Variants in IFIT5 observed in about 807,000 individuals in gnomAD.
The protein encoded by IFIT5 is interferon induced protein with tetratricopeptide repeats 5, also known as interferon-induced protein with tetratricopeptide repeats 5.
A neutral mutation model predicts 5.0 loss-of-function variants in IFIT5; 2 were observed. The observed-to-expected ratio is 0.40, with a 90% CI of 0.16 to 1.26. The LOEUF (loss-of-function observed/expected upper bound fraction) is 1.26, where lower values mean the gene tolerates loss of function less well. IFIT5 is among the 50% of genes most tolerant of loss of function. The pLI, the probability that IFIT5 is intolerant of heterozygous loss-of-function variation, is 0.33. For missense variants in IFIT5, 524 were observed against 563.2 expected (o/e 0.93, Z 0.70); for synonymous variants, 206 against 204.6 (o/e 1.01, Z -0.06).
rs1048204847 is a variant in IFIT5 at position 89,420,061 on chromosome 10, G to A, written c.*1413G>A. On this transcript the variant is annotated 3_prime_UTR_variant, in exon 2 of 2. Transcript: ENST00000371795. ...TACAAAAGTATGTGAATTTAAAAAT[G>A]AGAGCAGTCCTCTCACCCTACCACA... is the stretch of plus-strand genomic sequence containing the variant. 53 of 151,978 alleles carry A rather than the reference G, an allele frequency of 3.5e-4. No individual in the cohort carries two copies. Among genetic ancestry groups the A allele is most frequent in the African/African-American group, 1.3e-3 (53 of 41,480 alleles). The allele number at this position is 151,978 out of a possible 1,614,324, so 9.4% of individuals were successfully genotyped here.
chr10:89,417,189 A>G lies in IFIT5; in HGVS notation c.6-16A>G. ...TGTATTTCTTCAAAAATTAAAAAGT[A>G]TTTTATCTTTGACAGTGAAATTCGT... On this transcript the variant is annotated splice_polypyrimidine_tract_variant and intron_variant, in intron 1 of 1. Coordinates refer to ENST00000371795, the MANE Select transcript of IFIT5 (RefSeq NM_012420.3). 2 of 1,542,934 alleles carry G rather than the reference A, an allele frequency of 1.3e-6. No individual in the cohort carries two copies. Among genetic ancestry groups the G allele is most frequent in the Non-Finnish European group, 1.7e-6 (2 of 1,144,384 alleles).
At chr10:89,417,108 G>C (rs1433713996) in intron 1 of IFIT5, 97 bp from the exon 2 acceptor site, 3 of 1,005,030 alleles carry the variant, frequency 3.0e-6, no homozygotes, top group East Asian at 2.6e-5. Context: ...GATCAAATAG[G>C]GATAAAATTA....
intron 1 of IFIT5, among the ~76,000 whole-genome samples, chr10:89,415,306 G>A (rs1841523997): frequency 1.3e-5 from 2 of 152,234 alleles, no homozygotes; most frequent in South Asian, 2.1e-4. Context: ...CAGCTGCTAC[G>A]TGCCACGGGT....
Position 89,417,426 on chromosome 10 carries a change from A to G in IFIT5, c.227A>G (p.Gln76Arg), listed in dbSNP as rs754382258. The change falls in exon 2 of 2, where the codon CAA (glutamine) becomes CGA (arginine). Residue 76 changes from glutamine (Q) to arginine (R), a missense_variant. Coordinates refer to ENST00000371795, the MANE Select transcript of IFIT5 (RefSeq NM_012420.3). Reference sequence around the variant, plus strand: ...AAAGACGCCCTTGAGTGCTTGGAACAAGCAGAAGAAATAATCCAGCAAGAA... The same window carrying G: ...AAAGACGCCCTTGAGTGCTTGGAACGAGCAGAAGAAATAATCCAGCAAGAA... ...QNKDALECLE[Q>R]AEEIIQQEHS... 6.2e-7 allele frequency: 1 copy of G among 1,614,214 alleles called. No homozygotes were observed. The highest frequency in any genetic ancestry group is 1.1e-5 in the South Asian group (1 of 91,080).
intron 1 of IFIT5, among the ~76,000 whole-genome samples, chr10:89,416,100 C>G (rs184626447): frequency 6.6e-6 from 1 of 151,844 alleles, no homozygotes. Flanking sequence ...TTTTTTGTAT[C>G]TTTAGTAGAG....
At chr10:89,414,897 C>T in intron 1 of IFIT5, 94 bp downstream of exon 1, 2 of 1,488,724 alleles carry the variant, frequency 1.3e-6, no homozygotes, top group Non-Finnish European at 1.8e-6. Context: ...AGTTCTGCGG[C>T]CTTTTCAGGG....
In IFIT5 at chr10:89,418,683, C is replaced by A; in HGVS notation, c.*35C>A. The stretch of plus-strand genomic sequence containing the variant: ...CTAGGAAATTAGCTCTAAGTTTTTC[C>A]CTTCATTTTGGGTTCTCCTGTTTGT... On this transcript the variant is annotated 3_prime_UTR_variant, in exon 2 of 2. Transcript: ENST00000371795. 6.5e-7 allele frequency: 1 copy of A among 1,544,948 alleles called. No individual in the cohort carries two copies. Among genetic ancestry groups the A allele is most frequent in the South Asian group, 1.3e-5 (1 of 78,170 alleles).
chr10:89,415,859 C>G (rs1182003070), intron 1 of IFIT5, among the ~76,000 whole-genome samples: 1 of 152,190 alleles, frequency 6.6e-6, no homozygotes, highest in African/African-American at 2.4e-5. Context: ...GCACATAATA[C>G]TTGCACAATA....
rs763944104 is a variant in IFIT5 at position 89,417,230 on chromosome 10, G to A, written c.31G>A (p.Ala11Thr). 7.5e-6 allele frequency: 12 copies of A among 1,603,364 alleles called. No individual in the cohort carries two copies. The South Asian group carries it at 8.9e-5, about 12-fold the overall frequency. Reference protein sequence around the residue: MSEIRKDTLKAILLELECHFT... With the variant: MSEIRKDTLKTILLELECHFT... The stretch of plus-strand genomic sequence containing the variant: ...TGAAATTCGTAAGGACACCTTGAAG[G>A]CCATTCTGTTGGAGTTAGAATGTCA... The change falls in exon 2 of 2, where the codon GCC becomes ACC. Residue 11 changes from alanine to threonine, a missense_variant. Transcript: ENST00000371795.
rs200370418 is a variant in IFIT5, at chr10:89,414,774, G to A, written c.-25G>A. 3 of 1,606,914 alleles carry A rather than the reference G, an allele frequency of 1.9e-6. No homozygotes were observed. The highest frequency in any genetic ancestry group is 1.7e-5 in the Admixed American group (1 of 59,536). On this transcript the variant is annotated 5_prime_UTR_variant, in exon 1 of 2. Coordinates refer to ENST00000371795, the MANE Select transcript of IFIT5 (RefSeq NM_012420.3). ...AGCGATCCGAGGGACTGCGCCGCCC[G>A]GACGGCCTGCAGAGCGCTGCCATCA...
chr10:89,415,716 A>G (rs1259122035), intron 1 of IFIT5, among the ~76,000 whole-genome samples: 1 of 152,148 alleles, frequency 6.6e-6, no homozygotes, highest in African/African-American at 2.4e-5. Context: ...ATCCGGACTG[A>G]ACTCCTACTA....
intron 1 of IFIT5, 151 bp downstream of exon 1, chr10:89,414,954 TC>T: frequency 9.6e-7 from 1 of 1,041,826 alleles, no homozygotes. Flanking sequence ...TTGGGGACCC[TC>T]CCCGGGCGCT....
rs1841572062 is a variant in IFIT5, at chr10:89,418,903, A to G, written c.*255A>G. 3.2e-6 allele frequency: 1 copy of G among 308,692 alleles called. No individual in the cohort carries two copies. Among genetic ancestry groups the G allele is most frequent in the East Asian group, 5.5e-5 (1 of 18,074 alleles). The allele number at this position is 308,692 out of a possible 1,614,324, so 19.1% of individuals were successfully genotyped here. A position where few individuals can be genotyped will look rare whatever the true frequency, so the allele number is the denominator to read the frequency against. On this transcript the variant is annotated 3_prime_UTR_variant, in exon 2 of 2. Coordinates refer to ENST00000371795, the MANE Select transcript of IFIT5 (RefSeq NM_012420.3). ...CAATATTCTAGCTATTGTAACTTCT[A>G]AAAATGGTATGGCCATTAGATCTGT...
chr10:89,417,206 G>A lies in IFIT5; in HGVS notation c.7G>A (p.Glu3Lys), dbSNP rs1486517485. 2 of 1,563,418 alleles carry A rather than the reference G, an allele frequency of 1.3e-6. No individual in the cohort carries two copies. Among genetic ancestry groups the A allele is most frequent in the Admixed American group, 4.0e-5 (2 of 50,366 alleles). The change falls in exon 2 of 2, where the codon GAA becomes AAA. Residue 3 changes from glutamate (E) to lysine (K), a missense_variant and splice_region_variant. By Grantham distance (56) the Glu-to-Lys change is moderately conservative. Transcript: ENST00000371795. Reference sequence around the variant, plus strand: ...TAAAAAGTATTTTATCTTTGACAGTGAAATTCGTAAGGACACCTTGAAGGC... The same window carrying A: ...TAAAAAGTATTTTATCTTTGACAGTAAAATTCGTAAGGACACCTTGAAGGC... MS[E>K]IRKDTLKAIL... is the part of the protein sequence containing the mutation.
chr10:89,418,011 T>G lies in IFIT5; in HGVS notation c.812T>G (p.Leu271Arg). The G allele has an allele frequency of 6.2e-7, 1 of 1,614,196 alleles. No individual in the cohort carries two copies. The highest frequency in any genetic ancestry group is 8.5e-7 in the Non-Finnish European group (1 of 1,180,038). ...AATTCCTGGAACAAAGCTCTCGAAC[T>G]TTTAAAAAAGGCCTTGGAGGTGACA... ...RKNSWNKALELLKKALEVTPT... is the reference protein window; with the variant it reads ...RKNSWNKALERLKKALEVTPT... Residue 271 changes from leucine to arginine, a missense_variant, in exon 2 of 2, where the codon CTT (leucine) becomes CGT (arginine). Physicochemically the swap from Leu to Arg is moderately radical, Grantham distance 102. Transcript: ENST00000371795.
intron 1 of IFIT5, among the ~76,000 whole-genome samples, chr10:89,415,335 TG>T (rs957932985): frequency 3.3e-5 from 5 of 152,200 alleles, no homozygotes; most frequent in Non-Finnish European, 5.9e-5. Flanking sequence ...GCCTGTCGCG[TG>T]CCTCTCTTTC....
intron 1 of IFIT5, among the ~76,000 whole-genome samples, chr10:89,416,288 AAAC>A (rs150927900): frequency 0.51 from 77,261 of 151,618 alleles, 20,328 homozygotes; most frequent in East Asian, 0.77. Context: ...AACAACAACA[AAAC>A]AACAACAACA....
rs1452786581 is a variant in IFIT5 at position 89,418,441 on chromosome 10, C to T, written c.1242C>T (p.Thr414=). 2 of 1,614,042 alleles carry T rather than the reference C, an allele frequency of 1.2e-6. No individual in the cohort carries two copies. Among genetic ancestry groups the T allele is most frequent in the Non-Finnish European group, 8.5e-7 (1 of 1,180,024 alleles). Residue 414 remains threonine, a synonymous_variant, in exon 2 of 2, where the codon ACC becomes ACT. Coordinates refer to ENST00000371795, the MANE Select transcript of IFIT5 (RefSeq NM_012420.3). The part of the protein sequence containing the change: ...LKVKDRSPLR[T]KLTSALKKLS... ...TCAAAGACAGATCACCCCTTCGCAC[C>T]AAACTGACAAGTGCTCTGAAGAAAT...
chr10:89,418,605 C>T lies in IFIT5; in HGVS notation c.1406C>T (p.Ala469Val). The change falls in exon 2 of 2, where the codon GCA (alanine) becomes GTA (valine). Residue 469 changes from alanine (A) to valine (V), a missense_variant. Ala to Val is a moderately conservative substitution (Grantham distance 64, BLOSUM62 0). Coordinates refer to ENST00000371795, the MANE Select transcript of IFIT5 (RefSeq NM_012420.3). The part of the protein sequence containing the change: ...EKAQKIDPEN[A>V]EFLTALCELR... ...GCACAAAAGATAGATCCAGAAAATG[C>T]AGAATTCCTGACTGCTCTCTGTGAG... 6.2e-7 allele frequency: 1 copy of T among 1,613,972 alleles called. No homozygotes were observed. The highest frequency in any genetic ancestry group is 1.3e-5 in the African/African-American group (1 of 75,016).
Sources: allele counts gnomAD v4.1 joint callset (sites outside exome capture counted in the v4.1 genomes callset), GRCh38; gene constraint gnomAD v4.1.1; transcripts MANE v1.5; gene names NCBI Gene and HGNC (gene_info 2026-07-23, HGNC 2026-07-21).